BMPR1A: variants seen among roughly 807,000 people sequenced by gnomAD.
The protein encoded by BMPR1A is bone morphogenetic protein receptor type 1A, also known as bone morphogenetic protein receptor type-1A.
A neutral mutation model predicts 66.0 loss-of-function variants in BMPR1A; 7 were observed. The observed-to-expected ratio is 0.11, with a 90% CI of 0.06 to 0.20. BMPR1A has a LOEUF of 0.20. Ranked by LOEUF, BMPR1A falls within the 10% of genes least tolerant of loss-of-function variation. The probability of loss-of-function intolerance (pLI) is 1.00; values close to 1 mark genes in which losing one functional copy is unlikely to be tolerated. For synonymous variants in BMPR1A, 200 were observed against 229.7 expected, an observed-to-expected ratio of 0.87 and a Z score of 1.17; for missense variants, 408 against 669.1, an observed-to-expected ratio of 0.61 and a Z score of 4.31.
intron 5 of BMPR1A, among the ~76,000 whole-genome samples, chr10:86,896,249 ACT>A (rs1843222875): frequency 6.6e-6 from 1 of 151,932 alleles, no homozygotes; most frequent in African/African-American, 2.4e-5. Context: ...ATGCAACTCC[ACT>A]CTAGTGTGCG....
intron 5 of BMPR1A, among the ~76,000 whole-genome samples, chr10:86,894,697 A>G (rs1038658949): frequency 9.9e-5 from 15 of 152,224 alleles, no homozygotes; most frequent in African/African-American, 3.4e-4. Flanking sequence ...TTTCTCATCC[A>G]TGAAGGAATT....
Position 86,912,305 on chromosome 10 carries a change from T to G in BMPR1A, c.596T>G (p.Phe199Cys). 1 of 1,614,038 alleles carries G rather than the reference T, an allele frequency of 6.2e-7. No homozygotes were observed. The highest frequency in any genetic ancestry group is 8.5e-7 in the Non-Finnish European group (1 of 1,179,974). Residue 199 changes from phenylalanine (F) to cysteine (C), a missense_variant, in exon 8 of 13, where the codon TTT (phenylalanine) becomes TGT (cysteine). Coordinates refer to ENST00000372037, the MANE Select transcript of BMPR1A (RefSeq NM_004329.3). ...CGTGATTTGGAACAGGATGAAGCAT[T>G]TATTCCAGTTGGAGAATCACTAAAA... ...YNRDLEQDEA[F>C]IPVGESLKDL... is the part of the protein sequence containing the mutation.
At position 86,812,079 on chromosome 10, in the gene BMPR1A, A is replaced by G. The variant is rs114658224; in HGVS notation, c.-267-26786A>G. 4.2e-3 allele frequency among the ~76,000 whole-genome samples: 639 copies of G among 152,072 alleles called. 6 individuals carry two copies. Among genetic ancestry groups the G allele is most frequent in the African/African-American group, 0.015 (620 of 41,490 alleles). The stretch of plus-strand genomic sequence containing the variant: ...GGCAAAAAAGAAAAAAAAAAACCCT[A>G]AAAATAGAGCTTTTGGGGATATACA... On this transcript the variant is annotated intron_variant, in intron 1 of 12. Coordinates refer to ENST00000372037, the MANE Select transcript of BMPR1A (RefSeq NM_004329.3).
At chr10:86,796,720 C>CTTGG (rs1173443653) in intron 1 of BMPR1A, among the ~76,000 whole-genome samples, 1 of 151,564 alleles carries the variant, frequency 6.6e-6, no homozygotes, top group Admixed American at 6.6e-5. Context: ...GGGACCAGCT[C>CTTGG]ACGCTACCAC....
rs1564721927 is a variant in BMPR1A at position 86,912,274 on chromosome 10, T to C, written c.565T>C (p.Tyr189His). 1 of 1,613,912 alleles carries C rather than the reference T, an allele frequency of 6.2e-7. No homozygotes were observed. Among genetic ancestry groups the C allele is most frequent in the Non-Finnish European group, 8.5e-7 (1 of 1,179,906 alleles). ...CAAGAGCATCTCAAGCAGACGTCGTTACAATCGTGATTTGGAACAGGATGA... is the reference window on the plus strand; with the variant it reads ...CAAGAGCATCTCAAGCAGACGTCGTCACAATCGTGATTTGGAACAGGATGA... ...YCKSISSRRR[Y>H]NRDLEQDEAF... is the part of the protein sequence containing the mutation. Residue 189 changes from tyrosine (Y) to histidine (H), a missense_variant, in exon 8 of 13, where the codon TAC (tyrosine) becomes CAC (histidine). Around this residue, in one of 5 missense-constraint regions of BMPR1A, gnomAD observed 174 missense variants for 265.1 expected, o/e 0.66. Transcript: ENST00000372037.
At chr10:86,835,549 CAAAAAAAAAAAAAAAAAAAA>C (rs55804247) in intron 1 of BMPR1A, among the ~76,000 whole-genome samples, 3,310 of 44,408 alleles carry the variant, frequency 0.075, 123 homozygotes, top group Middle Eastern at 0.35. Context: ...GACTCTGTAT[CAAAAAAAAAAAAAAAAAAAA>C]AAAAAAAAAA....
At chr10:86,773,249 A>T (rs1288370249) in intron 1 of BMPR1A, among the ~76,000 whole-genome samples, 2 of 151,704 alleles carry the variant, frequency 1.3e-5, no homozygotes, top group African/African-American at 2.4e-5. Context: ...ATAGACTAAA[A>T]TATAATAAGA....
At chr10:86,779,997 C>CT (rs1841411211) in intron 1 of BMPR1A, among the ~76,000 whole-genome samples, 1 of 152,178 alleles carries the variant, frequency 6.6e-6, no homozygotes, top group African/African-American at 2.4e-5. Context: ...CCTTGAACTC[C>CT]TGGCCTCAAG....
intron 5 of BMPR1A, among the ~76,000 whole-genome samples, chr10:86,892,661 T>C (rs888673743): frequency 6.6e-6 from 1 of 151,988 alleles, no homozygotes; most frequent in Non-Finnish European, 1.5e-5. Context: ...ACTCCTGGGC[T>C]CAAGCAGTCT....
intron 2 of BMPR1A, among the ~76,000 whole-genome samples, chr10:86,860,002 A>C (rs1460156606): frequency 1.3e-5 from 2 of 152,056 alleles, no homozygotes; most frequent in African/African-American, 4.8e-5. Context: ...AATTATTGGA[A>C]ATGATCTAAA....
chr10:86,899,649 A>C lies in BMPR1A; in HGVS notation c.334-145A>C, dbSNP rs990228780. On this transcript the variant is annotated intron_variant, in intron 5 of 12. Coordinates refer to ENST00000372037, the MANE Select transcript of BMPR1A (RefSeq NM_004329.3). ...TCTTCACTATTTCAGCACAAATTTTAATCTTTCAATAATCTGTTTTTACAT... is the reference window on the plus strand; with the variant it reads ...TCTTCACTATTTCAGCACAAATTTTCATCTTTCAATAATCTGTTTTTACAT... 18 of 842,580 alleles carry C rather than the reference A, an allele frequency of 2.1e-5. No homozygotes were observed. In the South Asian group the frequency reaches 2.9e-4, roughly 13 times the overall value. The allele number at this position is 842,580 out of a possible 1,614,324, so 52.2% of individuals were successfully genotyped here. A position where few individuals can be genotyped will look rare whatever the true frequency, so the allele number is the denominator to read the frequency against.
intron 4 of BMPR1A, among the ~76,000 whole-genome samples, chr10:86,891,465 A>G (rs940509785): frequency 6.6e-6 from 1 of 152,212 alleles, no homozygotes; most frequent in Non-Finnish European, 1.5e-5. Flanking sequence ...TTAACAATAA[A>G]TAGGAGTACA....
chr10:86,829,693 G>A (rs1842242415), intron 1 of BMPR1A, among the ~76,000 whole-genome samples: 1 of 152,148 alleles, frequency 6.6e-6, no homozygotes, highest in African/African-American at 2.4e-5. Context: ...TTTAAAATTA[G>A]CTTATTTTCA....
intron 2 of BMPR1A, among the ~76,000 whole-genome samples, chr10:86,853,442 T>C (rs752641899): frequency 3.3e-5 from 5 of 152,232 alleles, no homozygotes; most frequent in Non-Finnish European, 5.9e-5. Context: ...TTTCAACTTA[T>C]CTGTAAAATA....
chr10:86,814,025 GT>G (rs1228823216), intron 1 of BMPR1A, among the ~76,000 whole-genome samples: 2 of 151,934 alleles, frequency 1.3e-5, no homozygotes, highest in Non-Finnish European at 1.5e-5. Flanking sequence ...TGTTAATGTA[GT>G]TTTTTTCCCT....
intron 1 of BMPR1A, among the ~76,000 whole-genome samples, chr10:86,766,379 ATAAT>A (rs780160012): frequency 1.3e-5 from 2 of 152,186 alleles, no homozygotes; most frequent in Non-Finnish European, 2.9e-5. Flanking sequence ...GTGTTAATGA[ATAAT>A]TAGATTATTT....
chr10:86,847,005 G>A lies in BMPR1A; in HGVS notation c.-153+8026G>A, dbSNP rs12570587. Reference sequence around the variant, plus strand: ...TTTATTTATTTAGAGGTGGAGTCTCGCTCTGCTCTCTGCTAATTTTTGTAT... The same window carrying A: ...TTTATTTATTTAGAGGTGGAGTCTCACTCTGCTCTCTGCTAATTTTTGTAT... On this transcript the variant is annotated intron_variant, in intron 2 of 12. Transcript: ENST00000372037. 2.2e-4 allele frequency among the ~76,000 whole-genome samples: 33 copies of A among 151,984 alleles called. No individual in the cohort carries two copies. In the East Asian group the frequency reaches 3.7e-3, roughly 17 times the overall value.
rs951790171 is a variant in BMPR1A, at chr10:86,890,242, C to T, written c.230+18C>T. On this transcript the variant is annotated intron_variant, in intron 4 of 12. Transcript: ENST00000372037. Reference sequence around the variant, plus strand: ...ACATGCATGTAAGTATTTTATGCAGCCCTTCTTAAGAGTTAGGAGAATAGA... The same window carrying T: ...ACATGCATGTAAGTATTTTATGCAGTCCTTCTTAAGAGTTAGGAGAATAGA... The T allele has an allele frequency of 6.2e-7, 1 of 1,612,194 alleles. No homozygotes were observed. Among genetic ancestry groups the T allele is most frequent in the Admixed American group, 1.7e-5 (1 of 60,000 alleles).
chr10:86,759,685 A>G (rs911746874), intron 1 of BMPR1A, among the ~76,000 whole-genome samples: 5 of 152,192 alleles, frequency 3.3e-5, no homozygotes, highest in South Asian at 2.1e-4. Flanking sequence ...TAGTCAAATC[A>G]TAAAACGAGT....
Sources: allele counts gnomAD v4.1 joint callset (sites outside exome capture counted in the v4.1 genomes callset), GRCh38; gene constraint gnomAD v4.1.1; regional missense constraint gnomAD v4.1.1; transcripts MANE v1.5; gene names NCBI Gene and HGNC (gene_info 2026-07-23, HGNC 2026-07-21).